The following DNAJC10 variants were observed in gnomAD, a reference collection of about 807,000 sequenced individuals.
DNAJC10 encodes DnaJ heat shock protein family (Hsp40) member C10, also known as endoplasmic reticulum disulfide reductase DNAJC10.
A neutral mutation model predicts 115.0 loss-of-function variants in DNAJC10; 101 were observed. That is an observed-to-expected ratio of 0.88 (90% CI 0.75 to 1.04). The LOEUF is 1.04. Ranked by LOEUF, DNAJC10 falls within the 50% of genes least tolerant of loss-of-function variation. The pLI is 0.00. For missense variants in DNAJC10, 981 were observed against 928.8 expected (o/e 1.06, Z -0.73); for synonymous variants, 307 against 301.5 (o/e 1.02, Z -0.19).
In DNAJC10 at chr2:182,791,618, ACAAGTGAAAC is replaced by A. The variant is rs1331861445; in HGVS notation, c.*14488_*14497del. On this transcript the variant is annotated 3_prime_UTR_variant, in exon 24 of 24. Coordinates refer to ENST00000264065, the MANE Select transcript of DNAJC10 (RefSeq NM_018981.4). ...ACTGGCCTCTGTGAACTCTTTCTTGACAAGTGAAACCTGGCTCCAACAATGACTACTTTAT... is the reference window on the plus strand; with the variant it reads ...ACTGGCCTCTGTGAACTCTTTCTTGACTGGCTCCAACAATGACTACTTTAT... 6.6e-6 allele frequency: 1 copy of A among 152,152 alleles called. No homozygotes were observed. The highest frequency in any genetic ancestry group is 2.4e-5 in the African/African-American group (1 of 41,444). 9.4% of individuals were successfully genotyped at this position (152,152 alleles called of 1,614,324 possible).
intron 22 of DNAJC10, among the ~76,000 whole-genome samples, chr2:182,768,056 G>A (rs62188169): frequency 0.022 from 3,407 of 152,186 alleles, 60 homozygotes; most frequent in Middle Eastern, 0.044. Flanking sequence ...TTATTTATTG[G>A]TGGTTACATT....
At chr2:182,730,798 T>C (rs1336880210) in intron 8 of DNAJC10, among the ~76,000 whole-genome samples, 1 of 152,126 alleles carries the variant, frequency 6.6e-6, no homozygotes, top group Non-Finnish European at 1.5e-5. Flanking sequence ...ACTTGCCAAT[T>C]TGAGTTTTTT....
At chr2:182,759,064 A>G in intron 20 of DNAJC10, 96 bp from the exon 21 acceptor site, 1 of 1,186,240 alleles carries the variant, frequency 8.4e-7, no homozygotes, top group South Asian at 1.5e-5. Flanking sequence ...CTTCCTTGAC[A>G]TCATTTTTAA....
intron 5 of DNAJC10, among the ~76,000 whole-genome samples, chr2:182,728,362 A>G (rs1405568586): frequency 1.3e-5 from 2 of 152,146 alleles, no homozygotes; most frequent in Non-Finnish European, 2.9e-5. Context: ...TTGGTTTGAC[A>G]TTTGAAATGT....
chr2:182,788,812 C>T lies in DNAJC10; in HGVS notation c.*11680C>T, dbSNP rs577890002. The T allele has an allele frequency of 1.2e-4, 56 of 456,336 alleles. 1 individual carries two copies. In the Middle Eastern group the frequency reaches 1.3e-3, roughly 11 times the overall value. The allele number at this position is 456,336 out of a possible 1,614,324, so 28.3% of individuals were successfully genotyped here. ...TTCAAGCTCTATGACTTTATGATCA[C>T]TTAGTATGTCTACGGATTTTTTGGG... On this transcript the variant is annotated 3_prime_UTR_variant, in exon 24 of 24. Transcript: ENST00000264065.
chr2:182,769,131 C>T lies in DNAJC10; in HGVS notation c.2266-6185C>T, dbSNP rs140548152. ...GAGAATGATGGTTTCCAGCTACATT[C>T]ATGTCCCTGCAAAGGACATGAACGC... On this transcript the variant is annotated intron_variant, in intron 22 of 23. Transcript: ENST00000264065. 6.9e-4 allele frequency among the ~76,000 whole-genome samples: 105 copies of T among 152,236 alleles called. 2 individuals are homozygous for T. In the East Asian group the frequency reaches 0.02, roughly 30 times the overall value.
chr2:182,744,578 G>A (rs1483542421), intron 14 of DNAJC10, among the ~76,000 whole-genome samples: 1 of 152,084 alleles, frequency 6.6e-6, no homozygotes, highest in Non-Finnish European at 1.5e-5. Flanking sequence ...AGACCTCTAG[G>A]CTGGAGGAAC....
At chr2:182,739,248 A>C (rs560183776) in intron 11 of DNAJC10, among the ~76,000 whole-genome samples, 32 of 146,776 alleles carry the variant, frequency 2.2e-4, no homozygotes, top group African/African-American at 6.7e-4. Flanking sequence ...ATATATATAT[A>C]TCTCATATAT....
chr2:182,736,457 TG>T (rs1693587624), intron 11 of DNAJC10, 71 bp downstream of exon 11: 1 of 1,136,952 alleles, frequency 8.8e-7, no homozygotes. Flanking sequence ...ACATTATTTT[TG>T]TAAGCAGTGA....
intron 22 of DNAJC10, among the ~76,000 whole-genome samples, chr2:182,769,839 C>G (rs1228923066): frequency 6.6e-6 from 1 of 152,138 alleles, no homozygotes; most frequent in Non-Finnish European, 1.5e-5. Context: ...TCCCATTTGT[C>G]TATTTTGGCT....
intron 13 of DNAJC10, 49 bp from the exon 14 acceptor site, chr2:182,743,549 A>T: frequency 7.4e-7 from 1 of 1,348,974 alleles, no homozygotes. Context: ...TTTACAAATC[A>T]AATGGGTAAG....
intron 22 of DNAJC10, among the ~76,000 whole-genome samples, chr2:182,766,109 G>T (rs1694404745): frequency 6.6e-6 from 1 of 152,218 alleles, no homozygotes; most frequent in African/African-American, 2.4e-5. Flanking sequence ...AAAGGGGAAA[G>T]AGAATGCTGT....
Position 182,785,038 on chromosome 2 carries a change from T to C in DNAJC10, c.*7906T>C, listed in dbSNP as rs1694921561. 6.6e-6 allele frequency: 1 copy of C among 152,186 alleles called. No homozygotes were observed. The highest frequency in any genetic ancestry group is 2.4e-5 in the African/African-American group (1 of 41,466). The allele number at this position is 152,186 out of a possible 1,614,324, so 9.4% of individuals were successfully genotyped here. ...GTCAGTTATGTTTGACTATGAGAAA[T>C]TGCAGAAAAGTTAAAAGTATTTCGC... On this transcript the variant is annotated 3_prime_UTR_variant, in exon 24 of 24. Coordinates refer to ENST00000264065, the MANE Select transcript of DNAJC10 (RefSeq NM_018981.4).
In DNAJC10 at chr2:182,716,363, GC is replaced by G. The variant is rs1408137192; in HGVS notation, c.-322del. 6.6e-6 allele frequency: 1 copy of G among 152,314 alleles called. No individual in the cohort carries two copies. The highest frequency in any genetic ancestry group is 2.4e-5 in the African/African-American group (1 of 41,462). 9.4% of individuals were successfully genotyped at this position (152,314 alleles called of 1,614,324 possible). A position where few individuals can be genotyped will look rare whatever the true frequency, so the allele number is the denominator to read the frequency against. ...CACCAATCCCGTGCGCCGCGGCTGGGCCGTCGGAGAGTGCGTGTGCTTCTCT... is the reference window on the plus strand; with the variant it reads ...CACCAATCCCGTGCGCCGCGGCTGGGCGTCGGAGAGTGCGTGTGCTTCTCT... On this transcript the variant is annotated 5_prime_UTR_variant, in exon 1 of 24. Transcript: ENST00000264065.
chr2:182,750,704 G>A lies in DNAJC10; in HGVS notation c.1307-954G>A, dbSNP rs116623036. On this transcript the variant is annotated intron_variant, in intron 14 of 23. Transcript: ENST00000264065. The stretch of plus-strand genomic sequence containing the variant: ...TCTGTACAATGTGTTACAATGTACT[G>A]AATACCATAAGCAACTGTAACACAG... 6.5e-3 allele frequency among the ~76,000 whole-genome samples: 993 copies of A among 152,256 alleles called. 11 individuals carry two copies. Among genetic ancestry groups the A allele is most frequent in the African/African-American group, 0.022 (921 of 41,540 alleles).
intron 21 of DNAJC10, 28 bp downstream of exon 21, chr2:182,759,335 G>A (rs769796797): frequency 6.3e-7 from 1 of 1,577,766 alleles, no homozygotes; most frequent in East Asian, 2.3e-5. Flanking sequence ...TAAATAAGTT[G>A]TAGCCACATT....
chr2:182,724,927 TTTGA>T (rs1693245101), intron 5 of DNAJC10, among the ~76,000 whole-genome samples: 1 of 152,210 alleles, frequency 6.6e-6, no homozygotes, highest in South Asian at 2.1e-4. Flanking sequence ...TTTATTACAC[TTTGA>T]TTTATTGCAC....
chr2:182,728,566 G>T lies in DNAJC10; in HGVS notation c.419-10G>T, dbSNP rs1005651435. 5.7e-6 allele frequency: 9 copies of T among 1,591,904 alleles called. No individual in the cohort carries two copies. The highest frequency in any genetic ancestry group is 1.7e-4 in the Middle Eastern group (1 of 5,996). On this transcript the variant is annotated splice_polypyrimidine_tract_variant and intron_variant, in intron 5 of 23. Transcript: ENST00000264065. ...TAATTCTAAGTTGTTTGCATTTTAT[G>T]TATTTTTAGATGCTGCTGTTAATTC... is the stretch of plus-strand genomic sequence containing the variant.
chr2:182,724,011 GCT>G (rs1328017323), intron 5 of DNAJC10, among the ~76,000 whole-genome samples: 2 of 152,066 alleles, frequency 1.3e-5, no homozygotes, highest in African/African-American at 2.4e-5. Context: ...ATCATTTCTG[GCT>G]CTCTAGAAAG....
Sources: gnomAD v4.1 joint callset for allele counts (sites outside exome capture counted in the v4.1 genomes callset) on GRCh38, gnomAD v4.1.1 for gene constraint, MANE v1.5 for transcripts, NCBI Gene and HGNC (gene_info 2026-07-23, HGNC 2026-07-21) for gene names.